The following ARHGAP35 variants were observed in gnomAD, a reference collection of about 807,000 sequenced individuals.
ARHGAP35 encodes the protein rho GTPase-activating protein 35.
A neutral mutation model predicts 111.1 loss-of-function variants in ARHGAP35; 15 were observed. That is an observed-to-expected ratio of 0.13 (90% CI 0.09 to 0.21). The LOEUF is 0.21. Among genes scored for constraint, ARHGAP35 ranks in the 10% least tolerant of loss-of-function variants. The pLI, the probability that ARHGAP35 is intolerant of heterozygous loss-of-function variation, is 1.00. For synonymous variants in ARHGAP35, 643 were observed against 710.3 expected, an observed-to-expected ratio of 0.91 and a Z score of 1.51; for missense variants, 1,262 against 1,873.0, an observed-to-expected ratio of 0.67 and a Z score of 6.02.
At chr19:46,877,959 C>T (rs2055934934) in intron 1 of ARHGAP35, among the ~76,000 whole-genome samples, 2 of 152,064 alleles carry the variant, frequency 1.3e-5, no homozygotes, top group Admixed American at 6.6e-5. Context: ...CCACCTGCCT[C>T]GGCCTCCCAA....
Position 46,920,316 on chromosome 19 carries a change from C to G in ARHGAP35, c.1641C>G (p.His547Gln), listed in dbSNP as rs1172761271. The G allele has an allele frequency of 5.6e-6, 9 of 1,613,892 alleles. No homozygotes were observed. Among genetic ancestry groups the G allele is most frequent in the African/African-American group, 1.3e-5 (1 of 74,934 alleles). The change falls in exon 2 of 7, where the codon CAC (histidine) becomes CAG (glutamine). Residue 547 changes from histidine to glutamine, a missense_variant. Around this residue, in one of 8 missense-constraint regions of ARHGAP35, gnomAD observed 328 missense variants for 440.8 expected, o/e 0.74. Transcript: ENST00000672722. The surrounding 1 kb of genome is among the most constrained non-coding windows in gnomAD (Gnocchi z 7.0). ...AGCGTGATGCCCTTATTCTGAAACACATTCATTTTGTGTACCACCCAACAA... is the reference window on the plus strand; with the variant it reads ...AGCGTGATGCCCTTATTCTGAAACAGATTCATTTTGTGTACCACCCAACAA... ...QAERDALILK[H>Q]IHFVYHPTKE... is the part of the protein sequence containing the mutation.
chr19:46,919,282 G>T lies in ARHGAP35; in HGVS notation c.607G>T (p.Asp203Tyr). ...CATAGTGGTGGTCCTGACTAAGTGT[G>T]ACGAAGGTGTTGAGCGGTACATTAG... ...KPIVVVLTKC[D>Y]EGVERYIRDA... is the part of the protein sequence containing the mutation. Residue 203 changes from aspartate (D) to tyrosine (Y), a missense_variant, in exon 2 of 7, where the codon GAC becomes TAC. Around this residue, in one of 8 missense-constraint regions of ARHGAP35, gnomAD observed 125 missense variants for 301.7 expected, o/e 0.41. Transcript: ENST00000672722. This position sits in a 1 kb window ranked among gnomAD's most constrained non-coding sequence, Gnocchi z 6.2. 6.2e-7 allele frequency: 1 copy of T among 1,613,980 alleles called. No homozygotes were observed. The highest frequency in any genetic ancestry group is 1.1e-5 in the South Asian group (1 of 91,064).
chr19:46,998,395 T>A (rs573721306), intron 5 of ARHGAP35, among the ~76,000 whole-genome samples: 10 of 152,244 alleles, frequency 6.6e-5, no homozygotes, highest in African/African-American at 2.2e-4. Context: ...GGGGCATCTT[T>A]CCCTGCACAG....
intron 1 of ARHGAP35, among the ~76,000 whole-genome samples, chr19:46,879,119 C>T (rs1484780729): frequency 6.6e-6 from 1 of 152,138 alleles, no homozygotes; most frequent in African/African-American, 2.4e-5. Flanking sequence ...GTCATTTCTG[C>T]AGTGTTCACA....
At chr19:46,960,066 C>T (rs2056469948) in intron 3 of ARHGAP35, among the ~76,000 whole-genome samples, 1 of 144,360 alleles carries the variant, frequency 6.9e-6, no homozygotes, top group South Asian at 2.2e-4. Context: ...GCTATGATTG[C>T]ACCACTGTAC....
intron 3 of ARHGAP35, among the ~76,000 whole-genome samples, chr19:46,981,873 A>T (rs916423494): frequency 7.9e-6 from 1 of 125,828 alleles, no homozygotes; most frequent in Non-Finnish European, 1.8e-5. Context: ...TTTTGTTTTG[A>T]GATAGGGTCT....
In ARHGAP35 at chr19:46,994,501, C is replaced by T. The variant is rs1466445294; in HGVS notation, c.4037-4803C>T. ...GGAGCCTCGGGAGTCTGTGCTTGAC[C>T]ACACCCAGGCCCAGGTTGGAGCGGG... On this transcript the variant is annotated intron_variant, in intron 5 of 6. Coordinates refer to ENST00000672722, the MANE Select transcript of ARHGAP35 (RefSeq NM_004491.5). This position sits in a 1 kb window ranked among gnomAD's most constrained non-coding sequence, Gnocchi z 5.4. 6.6e-6 allele frequency among the ~76,000 whole-genome samples: 1 copy of T among 152,180 alleles called. No individual in the cohort carries two copies. Among genetic ancestry groups the T allele is most frequent in the East Asian group, 1.9e-4 (1 of 5,184 alleles).
At chr19:46,998,736 G>C (rs948393869) in intron 5 of ARHGAP35, among the ~76,000 whole-genome samples, 4 of 152,258 alleles carry the variant, frequency 2.6e-5, no homozygotes, top group African/African-American at 7.2e-5. Context: ...GGGCGTTGGG[G>C]GAAAAGGGGG....
At chr19:46,899,735 AAAG>A (rs956255277) in intron 1 of ARHGAP35, among the ~76,000 whole-genome samples, 22 of 152,050 alleles carry the variant, frequency 1.4e-4, no homozygotes, top group South Asian at 6.2e-4. Flanking sequence ...ACAAAAAAAA[AAAG>A]AAGAAGATTA....
intron 1 of ARHGAP35, among the ~76,000 whole-genome samples, chr19:46,873,904 A>C (rs1163065531): frequency 1.3e-5 from 2 of 151,696 alleles, no homozygotes; most frequent in African/African-American, 4.8e-5. Context: ...ATGCGCCACC[A>C]CCCTGGGCTA....
At position 46,882,466 on chromosome 19, in the gene ARHGAP35, G is replaced by A. The variant is rs556445849; in HGVS notation, c.-189+21257G>A. Among the ~76,000 whole-genome samples, 12 of 152,196 alleles carry A rather than the reference G, an allele frequency of 7.9e-5. No homozygotes were observed. The South Asian group carries it at 2.1e-3, about 26-fold the overall frequency. On this transcript the variant is annotated intron_variant, in intron 1 of 6. Coordinates refer to ENST00000672722, the MANE Select transcript of ARHGAP35 (RefSeq NM_004491.5). The stretch of plus-strand genomic sequence containing the variant: ...ACTTTCTCTATATCAGCAATAGGCT[G>A]TTTCACTTTATTTTATTTATTTATT...
rs185004940 is a variant in ARHGAP35 at position 46,895,204 on chromosome 19, C to T, written c.-188-23284C>T. On this transcript the variant is annotated intron_variant, in intron 1 of 6. Coordinates refer to ENST00000672722, the MANE Select transcript of ARHGAP35 (RefSeq NM_004491.5). The stretch of plus-strand genomic sequence containing the variant: ...TTTGAGACGGAGTCTCGCTCTGTCA[C>T]CCAGGCTGGAGTCCAGTGGCGCGAT... Among the ~76,000 whole-genome samples, 13 of 150,372 alleles carry T rather than the reference C, an allele frequency of 8.6e-5. No individual in the cohort carries two copies. The East Asian group carries it at 2.1e-3, about 25-fold the overall frequency.
At position 47,001,323 on chromosome 19, in the gene ARHGAP35, G is replaced by A. The variant is rs750549222; in HGVS notation, c.*635G>A. The A allele has an allele frequency of 1.2e-4, 158 of 1,290,210 alleles. No homozygotes were observed. Among genetic ancestry groups the A allele is most frequent in the Middle Eastern group, 2.1e-4 (1 of 4,716 alleles). 79.9% of individuals were successfully genotyped at this position (1,290,210 alleles called of 1,614,324 possible). ...TGGGACTCCCCGCTTCATCCCCACC[G>A]TCCCACTCCACAGCCTTCCCGAAAC... is the stretch of plus-strand genomic sequence containing the variant. On this transcript the variant is annotated 3_prime_UTR_variant, in exon 7 of 7. Coordinates refer to ENST00000672722, the MANE Select transcript of ARHGAP35 (RefSeq NM_004491.5). The surrounding 1 kb of genome is among the most constrained non-coding windows in gnomAD (Gnocchi z 5.4).
intron 3 of ARHGAP35, among the ~76,000 whole-genome samples, chr19:46,983,324 T>C (rs1271680213): frequency 1.3e-5 from 2 of 152,190 alleles, no homozygotes; most frequent in African/African-American, 4.8e-5. Flanking sequence ...AATGGGATAA[T>C]AATCACCAGT....
intron 3 of ARHGAP35, among the ~76,000 whole-genome samples, chr19:46,971,734 G>A (rs1474021190): frequency 6.6e-6 from 1 of 151,898 alleles, no homozygotes; most frequent in Non-Finnish European, 1.5e-5. Flanking sequence ...TCCTGACCTT[G>A]TGATCTGCCT....
chr19:46,903,537 A>G (rs558372670), intron 1 of ARHGAP35, among the ~76,000 whole-genome samples: 1 of 152,262 alleles, frequency 6.6e-6, no homozygotes, highest in African/African-American at 2.4e-5. Context: ...GATAATTTGG[A>G]CCAAGAGACA....
chr19:46,971,275 G>C lies in ARHGAP35; in HGVS notation c.3827-16714G>C, dbSNP rs370925761. On this transcript the variant is annotated intron_variant, in intron 3 of 6. Coordinates refer to ENST00000672722, the MANE Select transcript of ARHGAP35 (RefSeq NM_004491.5). ...ACAAAAATTAGCCGGGCGTGGTGGC[G>C]TGCGTCTGTAGTCCCAGCTACTCGG... Among the ~76,000 whole-genome samples the C allele has an allele frequency of 1.8e-4, 27 of 151,958 alleles. No individual in the cohort carries two copies. The East Asian group carries it at 4.1e-3, about 23-fold the overall frequency.
chr19:46,868,846 T>G (rs1351026096), intron 1 of ARHGAP35, among the ~76,000 whole-genome samples: 1 of 147,850 alleles, frequency 6.8e-6, no homozygotes, highest in Non-Finnish European at 1.5e-5. Context: ...AACATACAGA[T>G]AGAAATACAT....
chr19:46,886,202 GTCT>G (rs2055992614), intron 1 of ARHGAP35, among the ~76,000 whole-genome samples: 2 of 152,214 alleles, frequency 1.3e-5, no homozygotes, highest in East Asian at 3.9e-4. Context: ...TTAGCATCAG[GTCT>G]TCTTTTACAT....
Sources: gnomAD v4.1 joint callset for allele counts (sites outside exome capture counted in the v4.1 genomes callset) on GRCh38, gnomAD v4.1.1 for gene constraint, gnomAD v4.1.1 regional missense constraint, Gnocchi (gnomAD v3.1) non-coding constraint, MANE v1.5 for transcripts, NCBI Gene and HGNC (gene_info 2026-07-23, HGNC 2026-07-21) for gene names.